JTB: variants seen among roughly 807,000 people sequenced by gnomAD.
JTB encodes the protein jumping translocation breakpoint, also known as protein JTB.
Under a neutral mutation model 22.1 loss-of-function variants are expected in JTB, and 10 were observed. That is an observed-to-expected ratio of 0.45 (90% CI 0.28 to 0.77). The LOEUF is 0.77. Among genes scored for constraint, JTB ranks in the 30% least tolerant of loss-of-function variants. The pLI is 0.13. For synonymous variants in JTB, 83 were observed against 66.8 expected (o/e 1.24, Z -1.18); for missense variants, 137 against 180.3 (o/e 0.76, Z 1.38).
At position 153,977,312 on chromosome 1, in the gene JTB, C is replaced by T; in HGVS notation, c.-60G>A. On this transcript the variant is annotated 5_prime_UTR_variant, in exon 1 of 5. Transcript: ENST00000271843. ...GACCTACTCCACAGGCCTCGTGCCT[C>T]CGTCGGAGCGCAGAGGCGGCACTTA... is the stretch of plus-strand genomic sequence containing the variant. The T allele has an allele frequency of 6.3e-7, 1 of 1,592,502 alleles. No homozygotes were observed. Among genetic ancestry groups the T allele is most frequent in the Non-Finnish European group, 8.5e-7 (1 of 1,169,708 alleles).
Position 153,974,635 on chromosome 1 carries a change from T to G in JTB, c.*44A>C. 7.1e-6 allele frequency: 11 copies of G among 1,551,232 alleles called. No homozygotes were observed. The highest frequency in any genetic ancestry group is 9.7e-6 in the Non-Finnish European group (11 of 1,129,798). On this transcript the variant is annotated 3_prime_UTR_variant, in exon 5 of 5. Transcript: ENST00000271843. ...ATCAGTCCATTTCACTTTCACTGTCTGAGATAGGGTCTCTAAGACCCAGGA... is the reference window on the plus strand; with the variant it reads ...ATCAGTCCATTTCACTTTCACTGTCGGAGATAGGGTCTCTAAGACCCAGGA...
chr1:153,976,865 C>T, intron 2 of JTB, 90 bp from the exon 3 acceptor site: 1 of 1,596,320 alleles, frequency 6.3e-7, no homozygotes, highest in Non-Finnish European at 8.6e-7. Flanking sequence ...CAGCGCTTGC[C>T]CTCATTCCAT....
Position 153,977,504 on chromosome 1 carries a change from G to T in JTB, c.-252C>A. ...CTGCGGGGTCCGCAGGGCGCTGGAGGAAGGGCCGGCGGGGGCTCGCGGCCC... is the reference window on the plus strand; with the variant it reads ...CTGCGGGGTCCGCAGGGCGCTGGAGTAAGGGCCGGCGGGGGCTCGCGGCCC... On this transcript the variant is annotated 5_prime_UTR_variant, in exon 1 of 5. Coordinates refer to ENST00000271843, the MANE Select transcript of JTB (RefSeq NM_006694.4). 4 of 1,207,190 alleles carry T rather than the reference G, an allele frequency of 3.3e-6. No individual in the cohort carries two copies. Among genetic ancestry groups the T allele is most frequent in the Non-Finnish European group, 4.1e-6 (4 of 966,306 alleles). The allele number at this position is 1,207,190 out of a possible 1,614,324, so 74.8% of individuals were successfully genotyped here. A position where few individuals can be genotyped will look rare whatever the true frequency, so the allele number is the denominator to read the frequency against.
intron 4 of JTB, among the ~76,000 whole-genome samples, chr1:153,975,420 CT>C (rs759464567): frequency 0.011 from 1,272 of 112,358 alleles, 14 homozygotes; most frequent in African/African-American, 0.039. Context: ...CTCCCAGCCT[CT>C]TTTTTTTTTT....
Position 153,975,504 on chromosome 1 carries a change from C to A in JTB, c.284+322G>T, listed in dbSNP as rs185967764. On this transcript the variant is annotated intron_variant, in intron 4 of 4. Transcript: ENST00000271843. ...GTGGCATGATCTTGGCTCACTCTAA[C>A]CTCTGCCTCCTGGGTTCAAGTGATT... Among the ~76,000 whole-genome samples, 27 of 148,030 alleles carry A rather than the reference C, an allele frequency of 1.8e-4. No homozygotes were observed. The East Asian group carries it at 4.8e-3, about 26-fold the overall frequency.
chr1:153,974,619 T>C lies in JTB; in HGVS notation c.*60A>G, dbSNP rs754742820. On this transcript the variant is annotated 3_prime_UTR_variant, in exon 5 of 5. Transcript: ENST00000271843. Reference sequence around the variant, plus strand: ...AGAACCAAGAGTGCAAATCAGTCCATTTCACTTTCACTGTCTGAGATAGGG... The same window carrying C: ...AGAACCAAGAGTGCAAATCAGTCCACTTCACTTTCACTGTCTGAGATAGGG... 2 of 1,470,882 alleles carry C rather than the reference T, an allele frequency of 1.4e-6. No homozygotes were observed. Among genetic ancestry groups the C allele is most frequent in the Non-Finnish European group, 1.9e-6 (2 of 1,067,192 alleles). The allele number at this position is 1,470,882 out of a possible 1,614,324, so 91.1% of individuals were successfully genotyped here.
intron 1 of JTB, 21 bp from the exon 2 acceptor site, chr1:153,977,034 G>A (rs1178968898): frequency 6.2e-7 from 1 of 1,614,156 alleles, no homozygotes; most frequent in Non-Finnish European, 8.5e-7. Context: ...GTTGGGGGAA[G>A]GGACAAAAGT....
chr1:153,974,881 T>C (rs1280382419), intron 4 of JTB, 46 bp from the exon 5 acceptor site: 3 of 1,575,812 alleles, frequency 1.9e-6, no homozygotes, highest in South Asian at 2.2e-5. Context: ...GCCAGACAGC[T>C]TCTCCCTCTA....
At chr1:153,976,557 G>C (rs1037208494) in intron 3 of JTB, 136 bp downstream of exon 3, 1 of 716,514 alleles carries the variant, frequency 1.4e-6, no homozygotes, top group Non-Finnish European at 2.4e-6. Flanking sequence ...TACAGATTTG[G>C]ACATACACTG....
In JTB at chr1:153,977,630, G is replaced by A. The variant is rs897844513; in HGVS notation, c.-378C>T. ...AGCTCGGGGCCCGGTGTTCCCGGGG[G>A]CGTTCGGTCGTCGCCCGCTGGGGCT... On this transcript the variant is annotated 5_prime_UTR_variant, in exon 1 of 5. Transcript: ENST00000271843. 3 of 1,012,086 alleles carry A rather than the reference G, an allele frequency of 3.0e-6. No individual in the cohort carries two copies. The highest frequency in any genetic ancestry group is 4.0e-5 in the South Asian group (1 of 25,058). The allele number at this position is 1,012,086 out of a possible 1,614,324, so 62.7% of individuals were successfully genotyped here. A position where few individuals can be genotyped will look rare whatever the true frequency, so the allele number is the denominator to read the frequency against.
At chr1:153,975,795 G>C in intron 4 of JTB, 31 bp downstream of exon 4, 1 of 1,551,462 alleles carries the variant, frequency 6.4e-7, no homozygotes. Context: ...GAGCAAAGGA[G>C]GTGATCTCAG....
rs760285959 is a variant in JTB at position 153,974,352 on chromosome 1, A to G, written c.*327T>C. On this transcript the variant is annotated 3_prime_UTR_variant, in exon 5 of 5. Coordinates refer to ENST00000271843, the MANE Select transcript of JTB (RefSeq NM_006694.4). ...GTTTTGAGTGAGAAATAAACGTTTT[A>G]GCTGAAATTGTATCCCAGAAGTTTG... is the stretch of plus-strand genomic sequence containing the variant. 4 of 423,260 alleles carry G rather than the reference A, an allele frequency of 9.5e-6. No individual in the cohort carries two copies. The highest frequency in any genetic ancestry group is 1.7e-5 in the Non-Finnish European group (4 of 236,810). The allele number at this position is 423,260 out of a possible 1,614,324, so 26.2% of individuals were successfully genotyped here. A position where few individuals can be genotyped will look rare whatever the true frequency, so the allele number is the denominator to read the frequency against.
At chr1:153,976,818 C>T (rs1350059658) in intron 2 of JTB, 43 bp from the exon 3 acceptor site, 1 of 1,608,226 alleles carries the variant, frequency 6.2e-7, no homozygotes, top group Admixed American at 1.7e-5. Context: ...ATTCAGAAAA[C>T]ATTTCTCCCA....
chr1:153,976,260 G>A (rs953643436), intron 3 of JTB, among the ~76,000 whole-genome samples: 1 of 152,318 alleles, frequency 6.6e-6, no homozygotes, highest in East Asian at 1.9e-4. Context: ...TAAGGAGTTA[G>A]AGACTAGCCT....
rs1329543794 is a variant in JTB at position 153,977,307 on chromosome 1, T to A, written c.-55A>T. 1 of 1,596,212 alleles carries A rather than the reference T, an allele frequency of 6.3e-7. No individual in the cohort carries two copies. The highest frequency in any genetic ancestry group is 8.5e-7 in the Non-Finnish European group (1 of 1,171,302). ...AGAGGGACCTACTCCACAGGCCTCG[T>A]GCCTCCGTCGGAGCGCAGAGGCGGC... On this transcript the variant is annotated 5_prime_UTR_variant, in exon 1 of 5. Transcript: ENST00000271843.
intron 3 of JTB, among the ~76,000 whole-genome samples, chr1:153,976,357 A>C (rs1648795401): frequency 6.6e-6 from 1 of 152,172 alleles, no homozygotes; most frequent in Admixed American, 6.5e-5. Context: ...GCTACTCAGG[A>C]GGCTGAGGCA....
chr1:153,975,153 GCT>G (rs1250290746), intron 4 of JTB, among the ~76,000 whole-genome samples: 2 of 152,094 alleles, frequency 1.3e-5, no homozygotes, highest in Non-Finnish European at 2.9e-5. Context: ...ATGGTGTCTC[GCT>G]CTGTCACCCA....
Position 153,977,321 on chromosome 1 carries a change from C to T in JTB, c.-69G>A. 1.3e-6 allele frequency: 2 copies of T among 1,583,824 alleles called. No homozygotes were observed. Among genetic ancestry groups the T allele is most frequent in the Non-Finnish European group, 8.6e-7 (1 of 1,166,156 alleles). ...CACAGGCCTCGTGCCTCCGTCGGAG[C>T]GCAGAGGCGGCACTTACTCTGCAGC... On this transcript the variant is annotated 5_prime_UTR_variant, in exon 1 of 5. Coordinates refer to ENST00000271843, the MANE Select transcript of JTB (RefSeq NM_006694.4).
At chr1:153,975,689 G>T in intron 4 of JTB, 137 bp downstream of exon 4, 2 of 690,456 alleles carry the variant, frequency 2.9e-6, no homozygotes, top group East Asian at 2.6e-5. Context: ...CTAAGTACTG[G>T]GATTATAGGT....
Sources: gnomAD v4.1 joint callset for allele counts (sites outside exome capture counted in the v4.1 genomes callset) on GRCh38, gnomAD v4.1.1 for gene constraint, MANE v1.5 for transcripts, NCBI Gene and HGNC (gene_info 2026-07-23, HGNC 2026-07-21) for gene names.